DNAJC6: variants seen among roughly 807,000 people sequenced by gnomAD.
DNAJC6 encodes DnaJ heat shock protein family (Hsp40) member C6, also known as auxilin.
In DNAJC6, 34 loss-of-function variants were observed where a neutral mutation model predicts 110.0. The ratio of observed to expected loss-of-function variants is 0.31; its 90% CI spans 0.24 to 0.41. DNAJC6 has a LOEUF of 0.41. Among genes scored for constraint, DNAJC6 ranks in the 10% least tolerant of loss-of-function variants. The probability of loss-of-function intolerance (pLI) is 1.00; values close to 1 mark genes in which losing one functional copy is unlikely to be tolerated. For synonymous variants in DNAJC6, 406 were observed against 437.2 expected (o/e 0.93, Z 0.89); for missense variants, 1,031 against 1,207.8 (o/e 0.85, Z 2.17).
intron 1 of DNAJC6, among the ~76,000 whole-genome samples, 158 bp downstream of exon 1, chr1:65,310,096 C>T (rs961740385): frequency 1.9e-4 from 29 of 152,206 alleles, no homozygotes; most frequent in African/African-American, 6.0e-4. Context: ...TGTCGAGTCT[C>T]TAATTTCTCT....
Position 65,330,657 on chromosome 1 carries a change from T to G in DNAJC6, c.193+20719T>G, listed in dbSNP as rs540764420. On this transcript the variant is annotated intron_variant, in intron 1 of 18. Transcript: ENST00000371069. ...TAATTTTGTGTATTTTTAGTAGAGA[T>G]AGGGTTTCACCGTGTTAGCCAGGAT... is the stretch of plus-strand genomic sequence containing the variant. Among the ~76,000 whole-genome samples the G allele has an allele frequency of 1.2e-3, 186 of 152,032 alleles. 1 individual carries two copies. Among genetic ancestry groups the G allele is most frequent in the Non-Finnish European group, 2.2e-3 (148 of 67,980 alleles).
At chr1:65,362,871 C>T (rs947791738) in intron 1 of DNAJC6, among the ~76,000 whole-genome samples, 10 of 152,206 alleles carry the variant, frequency 6.6e-5, no homozygotes, top group African/African-American at 2.2e-4. Context: ...AAAAGATCAG[C>T]GGCTTCTATT....
At chr1:65,291,054 A>G (rs1644870686) in intron 1 of DNAJC6, among the ~76,000 whole-genome samples, 2 of 152,176 alleles carry the variant, frequency 1.3e-5, no homozygotes, top group South Asian at 2.1e-4. Context: ...GTTTGTTTGA[A>G]GTGGAGTCTT....
chr1:65,309,865 A>T lies in DNAJC6; in HGVS notation c.120A>T (p.Arg40Ser). ...AGSGGVGGKQ[R>S]VNAGAAARSP... ...GCGGCGGGGTTGGCGGCAAGCAGAG[A>T]GTGAACGCCGGGGCAGCGGCGCGGA... is the stretch of plus-strand genomic sequence containing the variant. Residue 40 changes from arginine to serine, a missense_variant, in exon 1 of 19, where the codon AGA becomes AGT. Transcript: ENST00000371069. 5 of 1,547,964 alleles carry T rather than the reference A, an allele frequency of 3.2e-6. No individual in the cohort carries two copies. Among genetic ancestry groups the T allele is most frequent in the Non-Finnish European group, 4.4e-6 (5 of 1,145,712 alleles).
At chr1:65,393,848 C>T (rs1286377851) in intron 12 of DNAJC6, among the ~76,000 whole-genome samples, 2 of 152,090 alleles carry the variant, frequency 1.3e-5, no homozygotes, top group Non-Finnish European at 2.9e-5. Flanking sequence ...TCCCAGAAGG[C>T]TCTGGGCTGG....
chr1:65,301,305 C>T (rs1036763565), intron 1 of DNAJC6, among the ~76,000 whole-genome samples: 2 of 151,906 alleles, frequency 1.3e-5, no homozygotes, highest in Admixed American at 1.3e-4. Context: ...TTAAAGGCTT[C>T]TGTGATCAAA....
At chr1:65,291,367 T>C (rs1296816913) in intron 1 of DNAJC6, among the ~76,000 whole-genome samples, 7 of 152,240 alleles carry the variant, frequency 4.6e-5, no homozygotes, top group Non-Finnish European at 8.8e-5. Flanking sequence ...TATGTAGATA[T>C]TCATCATGTG....
Position 65,412,971 on chromosome 1 carries a change from G to T in DNAJC6, c.2859G>T (p.Glu953Asp). The change falls in exon 19 of 19, where the codon GAG (glutamate) becomes GAT (aspartate). Residue 953 changes from glutamate to aspartate, a missense_variant. Coordinates refer to ENST00000371069, the MANE Select transcript of DNAJC6 (RefSeq NM_001256864.2). ...YEQYAKMIFM[E>D]LNDAWSEFEN... Reference sequence around the variant, plus strand: ...AATACGCAAAGATGATTTTCATGGAGCTCAATGATGCCTGGTCTGAATTTG... The same window carrying T: ...AATACGCAAAGATGATTTTCATGGATCTCAATGATGCCTGGTCTGAATTTG... 6.2e-7 allele frequency: 1 copy of T among 1,614,100 alleles called. No homozygotes were observed. The highest frequency in any genetic ancestry group is 8.5e-7 in the Non-Finnish European group (1 of 1,180,006).
At chr1:65,300,673 C>G (rs181275811) in intron 1 of DNAJC6, among the ~76,000 whole-genome samples, 1 of 152,306 alleles carries the variant, frequency 6.6e-6, no homozygotes, top group East Asian at 1.9e-4. Context: ...ATCCTTCTCA[C>G]GAAACCTTTC....
chr1:65,407,153 C>G (rs986664516), intron 16 of DNAJC6, among the ~76,000 whole-genome samples: 2 of 152,172 alleles, frequency 1.3e-5, no homozygotes, highest in African/African-American at 4.8e-5. Context: ...CACTGTCTTA[C>G]TCCATCCTGC....
intron 1 of DNAJC6, among the ~76,000 whole-genome samples, chr1:65,290,427 T>C (rs929436793): frequency 1.1e-4 from 17 of 152,252 alleles, no homozygotes; most frequent in Admixed American, 9.8e-4. Flanking sequence ...TCTGTTTGCG[T>C]CAATATCGTG....
intron 1 of DNAJC6, among the ~76,000 whole-genome samples, chr1:65,356,852 C>T (rs536744205): frequency 4.5e-4 from 69 of 152,260 alleles, no homozygotes; most frequent in African/African-American, 1.6e-3. Flanking sequence ...TCTGAGACCT[C>T]TCTTCTCAAA....
At chr1:65,411,472 C>G in intron 18 of DNAJC6, 46 bp downstream of exon 18, 1 of 1,560,458 alleles carries the variant, frequency 6.4e-7, no homozygotes, top group South Asian at 1.2e-5. Flanking sequence ...GTCCTTGCTT[C>G]ATTATCTTAT....
chr1:65,411,728 G>A (rs192356765), intron 18 of DNAJC6, among the ~76,000 whole-genome samples: 7 of 48,230 alleles, frequency 1.5e-4, no homozygotes, highest in East Asian at 5.2e-3. Context: ...CAGCACTTTG[G>A]GGGGGGCAGG....
At chr1:65,293,161 A>G (rs1644896031) in intron 1 of DNAJC6, among the ~76,000 whole-genome samples, 1 of 152,226 alleles carries the variant, frequency 6.6e-6, no homozygotes, top group Non-Finnish European at 1.5e-5. Flanking sequence ...ACACACTTAT[A>G]TCTCACCATT....
upstream of DNAJC6, among the ~76,000 whole-genome samples, chr1:65,307,000 CTCTCTCTCTCTCTCTCTCTA>C (rs1193550053): frequency 2.0e-3 from 228 of 115,650 alleles, 2 homozygotes; most frequent in African/African-American, 4.4e-3. Flanking sequence ...CTCTCTCTCT[CTCTCTCTCTCTCTCTCTCTA>C]TATATATATA....
At chr1:65,350,824 G>T (rs185211083) in intron 1 of DNAJC6, among the ~76,000 whole-genome samples, 10 of 152,216 alleles carry the variant, frequency 6.6e-5, no homozygotes, top group Admixed American at 5.9e-4. Flanking sequence ...TTCCATTTTG[G>T]CTATGCTAGA....
intron 1 of DNAJC6, among the ~76,000 whole-genome samples, chr1:65,280,109 A>G (rs868820373): frequency 1.3e-5 from 2 of 152,256 alleles, no homozygotes; most frequent in African/African-American, 2.4e-5. Context: ...GGCACCTAGC[A>G]TAATATCTAA....
intron 1 of DNAJC6, among the ~76,000 whole-genome samples, chr1:65,311,074 A>G (rs1645094766): frequency 6.6e-6 from 1 of 152,162 alleles, no homozygotes; most frequent in African/African-American, 2.4e-5. Context: ...TTGTCCACAG[A>G]TGCTCAAATG....
Sources: gnomAD v4.1 joint callset for allele counts (sites outside exome capture counted in the v4.1 genomes callset) on GRCh38, gnomAD v4.1.1 for gene constraint, MANE v1.5 for transcripts, NCBI Gene and HGNC (gene_info 2026-07-23, HGNC 2026-07-21) for gene names.